KCNH1: variants seen among roughly 807,000 people sequenced by gnomAD.
KCNH1 encodes the protein potassium voltage-gated channel subfamily H member 1, also known as voltage-gated delayed rectifier potassium channel KCNH1.
KCNH1 carries 27 observed loss-of-function variants against 69.2 expected under a neutral mutation model. The ratio of observed to expected loss-of-function variants is 0.39; its 90% CI spans 0.29 to 0.54. The LOEUF (loss-of-function observed/expected upper bound fraction) is 0.54, where lower values mean the gene tolerates loss of function less well. Among genes scored for constraint, KCNH1 ranks in the 20% least tolerant of loss-of-function variants. KCNH1 has a pLI of 0.68. For synonymous variants in KCNH1, 456 were observed against 487.7 expected (o/e 0.93, Z 0.86); for missense variants, 798 against 1,261.6 (o/e 0.63, Z 5.57).
chr1:211,046,999 A>G (rs1571605092), intron 5 of KCNH1, among the ~76,000 whole-genome samples: 2 of 152,238 alleles, frequency 1.3e-5, no homozygotes, highest in East Asian at 3.8e-4. Flanking sequence ...AAAATTTAAT[A>G]TTTTAATCCA....
intron 1 of KCNH1, among the ~76,000 whole-genome samples, chr1:211,124,629 A>C (rs923573602): frequency 5.3e-5 from 8 of 150,608 alleles, no homozygotes; most frequent in African/African-American, 1.9e-4. Context: ...AAAGAAAGAA[A>C]GAGAGAGAGA....
chr1:210,714,117 A>G (rs532663623), intron 10 of KCNH1, among the ~76,000 whole-genome samples: 1 of 152,292 alleles, frequency 6.6e-6, no homozygotes, highest in East Asian at 1.9e-4. Flanking sequence ...GAGAGTATGG[A>G]GAGAGGCAAC....
intron 10 of KCNH1, among the ~76,000 whole-genome samples, chr1:210,715,845 G>C (rs1682220380): frequency 6.6e-6 from 1 of 152,110 alleles, no homozygotes. Context: ...GGCAACCTCG[G>C]TGGAAGGTTT....
At chr1:210,787,801 C>T (rs562054432) in intron 9 of KCNH1, among the ~76,000 whole-genome samples, 1 of 152,252 alleles carries the variant, frequency 6.6e-6, no homozygotes, top group East Asian at 1.9e-4. Context: ...AAAGATAATG[C>T]ATGTTAGAAA....
At chr1:211,102,468 A>G (rs1691275353) in intron 3 of KCNH1, among the ~76,000 whole-genome samples, 1 of 152,152 alleles carries the variant, frequency 6.6e-6, no homozygotes, top group Non-Finnish European at 1.5e-5. Context: ...TGGCAGAGGG[A>G]GTGAACTGGA....
At chr1:210,807,261 C>T (rs1362875680) in intron 7 of KCNH1, among the ~76,000 whole-genome samples, 1 of 151,974 alleles carries the variant, frequency 6.6e-6, no homozygotes, top group Non-Finnish European at 1.5e-5. Context: ...GTCACGCTTC[C>T]CTCAGCAATC....
At chr1:210,691,924 C>T (rs1463672760) in intron 10 of KCNH1, among the ~76,000 whole-genome samples, 2 of 152,240 alleles carry the variant, frequency 1.3e-5, no homozygotes, top group Non-Finnish European at 2.9e-5. Context: ...ACCAGTTACC[C>T]TGTTGGCCAC....
chr1:210,999,340 C>T (rs868546522), intron 6 of KCNH1, among the ~76,000 whole-genome samples: 10 of 151,952 alleles, frequency 6.6e-5, no homozygotes, highest in East Asian at 1.9e-4. Context: ...ATATCACCAC[C>T]GATCCCACAG....
At chr1:211,092,351 A>G (rs1179258735) in intron 3 of KCNH1, among the ~76,000 whole-genome samples, 1 of 152,220 alleles carries the variant, frequency 6.6e-6, no homozygotes, top group African/African-American at 2.4e-5. Flanking sequence ...ATTTGGCTAC[A>G]CCACCTATTC....
chr1:210,935,424 G>A (rs548074920), intron 6 of KCNH1, among the ~76,000 whole-genome samples: 1 of 152,166 alleles, frequency 6.6e-6, no homozygotes, highest in East Asian at 1.9e-4. Context: ...CTTGAGAGGA[G>A]CAATAAATTC....
intron 6 of KCNH1, among the ~76,000 whole-genome samples, chr1:210,958,676 T>C (rs542442197): frequency 7.9e-5 from 12 of 152,246 alleles, no homozygotes; most frequent in African/African-American, 2.7e-4. Flanking sequence ...CAATCACTGA[T>C]ATCCTTTCTT....
chr1:210,684,877 C>T (rs1038554292), intron 10 of KCNH1, among the ~76,000 whole-genome samples: 2 of 152,190 alleles, frequency 1.3e-5, no homozygotes, highest in Non-Finnish European at 2.9e-5. Context: ...TTCCTTTTGA[C>T]AGCACTGTAA....
chr1:210,727,900 T>A (rs1934624), intron 10 of KCNH1, among the ~76,000 whole-genome samples: 3,026 of 152,308 alleles, frequency 0.02, 72 homozygotes, highest in Admixed American at 0.067. Flanking sequence ...ATCTCAGTAA[T>A]CCTCCAAACA....
At chr1:211,002,743 A>G (rs747730700) in intron 6 of KCNH1, among the ~76,000 whole-genome samples, 7 of 152,176 alleles carry the variant, frequency 4.6e-5, no homozygotes, top group Non-Finnish European at 8.8e-5. Flanking sequence ...AAACTGGGAG[A>G]TGAGTCAGAA....
At chr1:210,977,171 A>G (rs1688628390) in intron 6 of KCNH1, among the ~76,000 whole-genome samples, 1 of 152,198 alleles carries the variant, frequency 6.6e-6, no homozygotes, top group African/African-American at 2.4e-5. Context: ...AGAAACCATC[A>G]TTCTCAGCAA....
intron 6 of KCNH1, among the ~76,000 whole-genome samples, chr1:211,010,772 G>A (rs1200653276): frequency 6.6e-6 from 1 of 152,146 alleles, no homozygotes. Context: ...TTGGGGAGTT[G>A]TATGCCTATC....
intron 6 of KCNH1, among the ~76,000 whole-genome samples, chr1:210,941,085 T>C (rs1687867662): frequency 6.6e-6 from 1 of 152,142 alleles, no homozygotes; most frequent in Admixed American, 6.5e-5. Context: ...TGGGCAGAGC[T>C]CTGGATACAG....
intron 10 of KCNH1, among the ~76,000 whole-genome samples, chr1:210,691,647 A>G (rs1201091402): frequency 6.6e-6 from 1 of 152,178 alleles, no homozygotes; most frequent in Non-Finnish European, 1.5e-5. Flanking sequence ...CAACTTCTCT[A>G]AAGAATTCAG....
intron 7 of KCNH1, among the ~76,000 whole-genome samples, chr1:210,881,844 C>T (rs1394689775): frequency 2.0e-5 from 3 of 152,090 alleles, no homozygotes; most frequent in African/African-American, 7.2e-5. Context: ...ACTACGGAGA[C>T]AGAAAAAAGA....
Sources: allele counts gnomAD v4.1 joint callset (sites outside exome capture counted in the v4.1 genomes callset), GRCh38; gene constraint gnomAD v4.1.1; transcripts MANE v1.5; gene names NCBI Gene and HGNC (gene_info 2026-07-23, HGNC 2026-07-21).